Variants in SPRED2 observed in about 807,000 individuals in gnomAD.
SPRED2 encodes the protein sprouty-related, EVH1 domain-containing protein 2.
Under a neutral mutation model 43.0 loss-of-function variants are expected in SPRED2, and 47 were observed. The ratio of observed to expected loss-of-function variants is 1.09; its 90% CI spans 0.87 to 1.40. SPRED2 has a LOEUF of 1.40. Ranked by LOEUF, SPRED2 falls within the 40% of genes most tolerant of loss-of-function variation. The probability of loss-of-function intolerance (pLI) is 0.00; values close to 1 mark genes in which losing one functional copy is unlikely to be tolerated. For missense variants in SPRED2, 561 were observed against 586.4 expected, an observed-to-expected ratio of 0.96 and a Z score of 0.45; for synonymous variants, 225 against 225.7, an observed-to-expected ratio of 1.00 and a Z score of 0.03.
At chr2:65,347,406 C>T (rs1038526476) in intron 1 of SPRED2, among the ~76,000 whole-genome samples, 3 of 152,132 alleles carry the variant, frequency 2.0e-5, no homozygotes, top group Non-Finnish European at 2.9e-5. Context: ...TTAAGTGCCA[C>T]CTGGCATCCT....
At chr2:65,340,996 C>T (rs535471344) in intron 2 of SPRED2, among the ~76,000 whole-genome samples, 3 of 143,744 alleles carry the variant, frequency 2.1e-5, no homozygotes, top group South Asian at 2.2e-4. Context: ...ATTAGAGAAG[C>T]TTGAGAGGCC....
At chr2:65,322,951 C>T (rs371425036) in intron 4 of SPRED2, among the ~76,000 whole-genome samples, 3 of 152,196 alleles carry the variant, frequency 2.0e-5, no homozygotes, top group African/African-American at 7.2e-5. Flanking sequence ...CAGATACATT[C>T]TACCGGTCTT....
chr2:65,322,262 CTCTCTCTCTATATA>C (rs1169620543), intron 4 of SPRED2, among the ~76,000 whole-genome samples: 5 of 70,722 alleles, frequency 7.1e-5, no homozygotes, highest in Admixed American at 3.3e-4. Flanking sequence ...CTCTCTCTCT[CTCTCTCTCTATATA>C]TATATATATA....
intron 1 of SPRED2, among the ~76,000 whole-genome samples, chr2:65,427,029 C>T (rs1422922558): frequency 6.6e-6 from 1 of 152,130 alleles, no homozygotes; most frequent in Non-Finnish European, 1.5e-5. Context: ...AGCTTACAAG[C>T]TCCTTAAGGT....
chr2:65,368,055 T>G (rs1675029522), intron 1 of SPRED2, among the ~76,000 whole-genome samples: 2 of 152,166 alleles, frequency 1.3e-5, no homozygotes, highest in African/African-American at 4.8e-5. Context: ...ATTGATGCGC[T>G]GTGAAAACAT....
chr2:65,354,376 T>G (rs1213158526), intron 1 of SPRED2, among the ~76,000 whole-genome samples: 1 of 152,232 alleles, frequency 6.6e-6, no homozygotes, highest in Non-Finnish European at 1.5e-5. Flanking sequence ...AATGCTGGTT[T>G]TCTGGTTTCC....
chr2:65,318,041 G>T (rs779605584), intron 4 of SPRED2, among the ~76,000 whole-genome samples: 5 of 152,268 alleles, frequency 3.3e-5, no homozygotes, highest in Non-Finnish European at 5.9e-5. Flanking sequence ...GAATTTGTGG[G>T]AGGGACCTGC....
At chr2:65,341,706 A>C (rs1227366584) in intron 2 of SPRED2, among the ~76,000 whole-genome samples, 1 of 152,190 alleles carries the variant, frequency 6.6e-6, no homozygotes, top group African/African-American at 2.4e-5. Context: ...AACAAATGGT[A>C]AAAGTTTACT....
intron 1 of SPRED2, among the ~76,000 whole-genome samples, chr2:65,429,439 G>A (rs1676628405): frequency 6.6e-6 from 1 of 152,120 alleles, no homozygotes; most frequent in Non-Finnish European, 1.5e-5. Flanking sequence ...TAGGAATCTA[G>A]CAAAAATCTA....
intron 1 of SPRED2, among the ~76,000 whole-genome samples, chr2:65,385,647 C>T (rs1165977802): frequency 2.0e-5 from 3 of 152,100 alleles, no homozygotes; most frequent in Admixed American, 2.0e-4. Flanking sequence ...TGATTCCCTA[C>T]CCACTGCCAC....
intron 1 of SPRED2, among the ~76,000 whole-genome samples, chr2:65,426,780 A>C (rs923849629): frequency 2.0e-5 from 3 of 152,264 alleles, no homozygotes; most frequent in Admixed American, 6.5e-5. Context: ...GCAAATTGCT[A>C]AGGCAAAACA....
rs773753192 is a variant in SPRED2 at position 65,338,157 on chromosome 2, GTCTCCC to G, written c.205-3390_205-3385del. On this transcript the variant is annotated intron_variant, in intron 2 of 5. Transcript: ENST00000356388. ...GTGAAAGAGTCCCTCTCCCTCTCCCGTCTCCCTCTCCCGTCTCCCGTCTCCCTCTCC... is the reference window on the plus strand; with the variant it reads ...GTGAAAGAGTCCCTCTCCCTCTCCCGTCTCCCGTCTCCCGTCTCCCTCTCC... Among the ~76,000 whole-genome samples, 783 of 137,436 alleles carry G rather than the reference GTCTCCC, an allele frequency of 5.7e-3. 92 individuals are homozygous for G. The highest frequency in any genetic ancestry group is 7.0e-3 in the East Asian group (32 of 4,580). The allele number at this position is 137,436 out of a possible 152,430, so 90.2% of individuals were successfully genotyped here.
At position 65,424,834 on chromosome 2, in the gene SPRED2, C is replaced by A. The variant is rs963007712; in HGVS notation, c.26+7128G>T. Among the ~76,000 whole-genome samples the A allele has an allele frequency of 5.1e-4, 78 of 152,206 alleles. 1 individual carries two copies. Among genetic ancestry groups the A allele is most frequent in the Non-Finnish European group, 8.8e-5 (6 of 67,996 alleles). The stretch of plus-strand genomic sequence containing the variant: ...AGGTGTGGTGGCGCACACCTACAAT[C>A]CCAGCTACTCAGGAGGCCAAGGCAG... On this transcript the variant is annotated intron_variant, in intron 1 of 5. Coordinates refer to ENST00000356388, the MANE Select transcript of SPRED2 (RefSeq NM_181784.3).
intron 1 of SPRED2, among the ~76,000 whole-genome samples, chr2:65,389,021 G>T (rs1341347298): frequency 6.6e-6 from 1 of 152,100 alleles, no homozygotes; most frequent in Non-Finnish European, 1.5e-5. Context: ...TACTGGGAGG[G>T]GCAGGCATCA....
intron 1 of SPRED2, among the ~76,000 whole-genome samples, chr2:65,422,104 A>ACACACACACACTCTCTCT (rs1299857849): frequency 2.6e-4 from 34 of 128,930 alleles, no homozygotes; most frequent in Middle Eastern, 4.1e-3. Context: ...ACACACACAC[A>ACACACACACACTCTCTCT]CTCTCTCTCT....
chr2:65,311,527 G>A lies in SPRED2; in HGVS notation c.*1974C>T, dbSNP rs1673067365. 3.0e-6 allele frequency: 3 copies of A among 985,854 alleles called. No individual in the cohort carries two copies. Among genetic ancestry groups the A allele is most frequent in the Non-Finnish European group, 3.6e-6 (3 of 829,936 alleles). The allele number at this position is 985,854 out of a possible 1,614,324, so 61.1% of individuals were successfully genotyped here. ...GAACATTAGTGTTGTGCTTTGTAGAGAAGAGACCCTAGAGAAAGACCCCAA... is the reference window on the plus strand; with the variant it reads ...GAACATTAGTGTTGTGCTTTGTAGAAAAGAGACCCTAGAGAAAGACCCCAA... On this transcript the variant is annotated 3_prime_UTR_variant, in exon 6 of 6. Transcript: ENST00000356388.
chr2:65,311,030 T>A lies in SPRED2; in HGVS notation c.*2471A>T. 2 of 985,194 alleles carry A rather than the reference T, an allele frequency of 2.0e-6. No homozygotes were observed. The highest frequency in any genetic ancestry group is 2.4e-6 in the Non-Finnish European group (2 of 829,310). The allele number at this position is 985,194 out of a possible 1,614,324, so 61.0% of individuals were successfully genotyped here. On this transcript the variant is annotated 3_prime_UTR_variant, in exon 6 of 6. Coordinates refer to ENST00000356388, the MANE Select transcript of SPRED2 (RefSeq NM_181784.3). ...AAAAAAATCAATACAACAGGGTTTT[T>A]AGTATACAGGTAAAGAATGAATTAT...
chr2:65,322,262 CTCTCTCTCTATA>C (rs1394200035), intron 4 of SPRED2, among the ~76,000 whole-genome samples: 39 of 70,700 alleles, frequency 5.5e-4, no homozygotes, highest in South Asian at 1.3e-3. Context: ...CTCTCTCTCT[CTCTCTCTCTATA>C]TATATATATA....
rs1277250658 is a variant in SPRED2, at chr2:65,312,432, T to C, written c.*1069A>G. On this transcript the variant is annotated 3_prime_UTR_variant, in exon 6 of 6. Coordinates refer to ENST00000356388, the MANE Select transcript of SPRED2 (RefSeq NM_181784.3). ...ACATTTAAAAATCCCCTCTCCCCATTAATATAAAATAGCCAGGGGTTGGGG... is the reference window on the plus strand; with the variant it reads ...ACATTTAAAAATCCCCTCTCCCCATCAATATAAAATAGCCAGGGGTTGGGG... 1 of 985,238 alleles carries C rather than the reference T, an allele frequency of 1.0e-6. No individual in the cohort carries two copies. The highest frequency in any genetic ancestry group is 1.2e-6 in the Non-Finnish European group (1 of 829,918). 61.0% of individuals were successfully genotyped at this position (985,238 alleles called of 1,614,324 possible). A position where few individuals can be genotyped will look rare whatever the true frequency, so the allele number is the denominator to read the frequency against.
Sources: allele counts gnomAD v4.1 joint callset (sites outside exome capture counted in the v4.1 genomes callset), GRCh38; gene constraint gnomAD v4.1.1; transcripts MANE v1.5; gene names NCBI Gene and HGNC (gene_info 2026-07-23, HGNC 2026-07-21).